Variants in DSCAM observed in about 807,000 individuals in gnomAD.
The protein encoded by DSCAM is DS cell adhesion molecule.
In DSCAM, 47 loss-of-function variants were observed where a neutral mutation model predicts 217.7. The observed-to-expected ratio is 0.22, with a 90% CI of 0.17 to 0.28. The LOEUF (loss-of-function observed/expected upper bound fraction) is 0.28, where lower values mean the gene tolerates loss of function less well. Among genes scored for constraint, DSCAM ranks in the 10% least tolerant of loss-of-function variants. DSCAM has a pLI of 1.00. For missense variants in DSCAM, 2,080 were observed against 2,618.3 expected (o/e 0.79, Z 4.49); for synonymous variants, 1,056 against 1,015.3 (o/e 1.04, Z -0.76).
intron 27 of DSCAM, among the ~76,000 whole-genome samples, chr21:40,067,994 A>G (rs1311249203): frequency 2.0e-5 from 3 of 151,974 alleles, no homozygotes; most frequent in African/African-American, 7.3e-5. Flanking sequence ...ATTTCAGATC[A>G]GCCTGAGATT....
chr21:40,818,258 C>T (rs2091899112), intron 1 of DSCAM, among the ~76,000 whole-genome samples: 1 of 150,586 alleles, frequency 6.6e-6, no homozygotes, highest in African/African-American at 2.4e-5. Flanking sequence ...AAAAAAAAGA[C>T]AAAGTCGGCC....
At chr21:40,330,405 CAT>C (rs34922926) in intron 8 of DSCAM, among the ~76,000 whole-genome samples, 32 of 143,304 alleles carry the variant, frequency 2.2e-4, no homozygotes, top group South Asian at 4.3e-4. Flanking sequence ...ATATATTATA[CAT>C]ATATATATAT....
At chr21:40,033,761 G>A (rs562198814) in intron 32 of DSCAM, among the ~76,000 whole-genome samples, 402 of 151,208 alleles carry the variant, frequency 2.7e-3, no homozygotes, top group South Asian at 0.012. Context: ...AGTAACCTCT[G>A]CAGACTCAAA....
intron 1 of DSCAM, among the ~76,000 whole-genome samples, chr21:40,838,534 G>T (rs1486178367): frequency 6.6e-6 from 1 of 152,204 alleles, no homozygotes; most frequent in African/African-American, 2.4e-5. Context: ...ATCCAATAAT[G>T]AGAAAGTTGG....
chr21:40,240,884 AC>A (rs1306782031), intron 11 of DSCAM, among the ~76,000 whole-genome samples: 34 of 152,274 alleles, frequency 2.2e-4, no homozygotes, highest in Non-Finnish European at 4.0e-4. Context: ...ATCACATCTT[AC>A]CCACAGAAAA....
chr21:40,826,824 T>A (rs145832305), intron 1 of DSCAM, among the ~76,000 whole-genome samples: 2,404 of 152,128 alleles, frequency 0.016, 32 homozygotes, highest in Middle Eastern at 0.02. Flanking sequence ...TACCTGTGAG[T>A]TTTGTAAAGG....
intron 20 of DSCAM, among the ~76,000 whole-genome samples, chr21:40,110,433 G>A (rs1156643313): frequency 6.6e-6 from 1 of 152,144 alleles, no homozygotes. Flanking sequence ...CATCATCAAA[G>A]ACCAAAGGTA....
intron 5 of DSCAM, 45 bp from the exon 6 acceptor site, chr21:40,347,990 C>G (rs2074578475): frequency 6.4e-7 from 1 of 1,571,480 alleles, no homozygotes; most frequent in East Asian, 2.3e-5. Context: ...AAAAACATCA[C>G]TAGATAGCAT....
At chr21:40,682,823 G>GA (rs2090429167) in intron 3 of DSCAM, among the ~76,000 whole-genome samples, 3 of 66,126 alleles carry the variant, frequency 4.5e-5, no homozygotes, top group African/African-American at 2.3e-4. Flanking sequence ...GGGAAGGGAA[G>GA]GGAAGGGAAG....
At chr21:40,650,963 A>G (rs1414925764) in intron 3 of DSCAM, among the ~76,000 whole-genome samples, 1 of 152,168 alleles carries the variant, frequency 6.6e-6, no homozygotes, top group African/African-American at 2.4e-5. Flanking sequence ...TGGGTCAGGC[A>G]GGAGCTTGGT....
chr21:40,302,298 C>T (rs2074026202), intron 9 of DSCAM, among the ~76,000 whole-genome samples: 1 of 152,074 alleles, frequency 6.6e-6, no homozygotes, highest in South Asian at 2.1e-4. Flanking sequence ...GGGGGCGGAT[C>T]TTTCCCATGC....
intron 3 of DSCAM, among the ~76,000 whole-genome samples, chr21:40,424,073 C>T (rs758273068): frequency 3.3e-5 from 5 of 151,982 alleles, no homozygotes; most frequent in Non-Finnish European, 7.4e-5. Flanking sequence ...TTTGAATTGT[C>T]CTATTTTTAA....
intron 1 of DSCAM, among the ~76,000 whole-genome samples, chr21:40,837,563 T>A (rs913635891): frequency 2.6e-5 from 4 of 152,240 alleles, no homozygotes; most frequent in Admixed American, 6.5e-5. Context: ...TTAACCATCC[T>A]ACCCACATTC....
At chr21:40,312,481 G>T in intron 8 of DSCAM, 122 bp from the exon 9 acceptor site, 1 of 1,095,714 alleles carries the variant, frequency 9.1e-7, no homozygotes, top group Non-Finnish European at 1.2e-6. Context: ...AGAAATACAG[G>T]AACTGTAGCA....
chr21:40,482,449 CTTT>C (rs1340376478), intron 3 of DSCAM, among the ~76,000 whole-genome samples: 2 of 152,130 alleles, frequency 1.3e-5, no homozygotes, highest in Non-Finnish European at 2.9e-5. Context: ...CTAGACTCAA[CTTT>C]TTTATTTTTA....
chr21:40,705,339 T>C (rs73903006), intron 2 of DSCAM, among the ~76,000 whole-genome samples: 7,469 of 152,316 alleles, frequency 0.049, 272 homozygotes, highest in African/African-American at 0.1. Flanking sequence ...CCTTAAGGAA[T>C]GCTTTCCTCT....
At chr21:40,404,765 T>C (rs1050967855) in intron 3 of DSCAM, among the ~76,000 whole-genome samples, 6 of 152,378 alleles carry the variant, frequency 3.9e-5, no homozygotes, top group Non-Finnish European at 8.8e-5. Context: ...TGGAGCTCAC[T>C]GTGCTGTCAT....
intron 3 of DSCAM, among the ~76,000 whole-genome samples, chr21:40,394,012 T>C (rs2075156807): frequency 6.6e-6 from 1 of 152,342 alleles, no homozygotes; most frequent in Admixed American, 6.5e-5. Context: ...ATTTCTTTAA[T>C]ACAGTTCTCT....
At chr21:40,590,612 T>G (rs58070021) in intron 3 of DSCAM, among the ~76,000 whole-genome samples, 4 of 151,672 alleles carry the variant, frequency 2.6e-5, no homozygotes, top group African/African-American at 9.7e-5. Context: ...TAGCTAGTAA[T>G]AGCAATAATA....
Sources: allele counts gnomAD v4.1 joint callset (sites outside exome capture counted in the v4.1 genomes callset), GRCh38; gene constraint gnomAD v4.1.1; transcripts MANE v1.5; gene names NCBI Gene and HGNC (gene_info 2026-07-23, HGNC 2026-07-21).